Variants in ECT2L observed in about 807,000 individuals in gnomAD.
The protein encoded by ECT2L is epithelial cell-transforming sequence 2 oncogene-like.
Under a neutral mutation model 122.8 loss-of-function variants are expected in ECT2L, and 126 were observed. The observed-to-expected ratio is 1.03, with a 90% CI of 0.89 to 1.19. The LOEUF is 1.19. ECT2L is among the 50% of genes most tolerant of loss of function. ECT2L has a pLI of 0.00. For missense variants in ECT2L, 1,012 were observed against 1,064.1 expected (o/e 0.95, Z 0.68); for synonymous variants, 385 against 381.8 (o/e 1.01, Z -0.10).
chr6:138,805,550 C>A (rs1775685901), intron 1 of ECT2L, among the ~76,000 whole-genome samples: 1 of 152,052 alleles, frequency 6.6e-6, no homozygotes, highest in Non-Finnish European at 1.5e-5. Flanking sequence ...GGCAGTTCTT[C>A]TCTTTGTATG....
At chr6:138,900,134 A>G (rs1363935964) in intron 20 of ECT2L, among the ~76,000 whole-genome samples, 1 of 152,226 alleles carries the variant, frequency 6.6e-6, no homozygotes, top group Non-Finnish European at 1.5e-5. Context: ...CTGCTTTCCA[A>G]TCAAAAGTAA....
intron 20 of ECT2L, among the ~76,000 whole-genome samples, chr6:138,897,474 G>A (rs979203451): frequency 3.3e-5 from 5 of 152,014 alleles, no homozygotes; most frequent in African/African-American, 1.2e-4. Flanking sequence ...TTTGGTTTTC[G>A]CAGGAGGTCC....
intron 1 of ECT2L, among the ~76,000 whole-genome samples, chr6:138,805,306 T>A (rs1021026433): frequency 1.3e-5 from 2 of 152,216 alleles, no homozygotes; most frequent in East Asian, 3.8e-4. Flanking sequence ...TTAGTCCACA[T>A]GTATATTTTT....
intron 14 of ECT2L, 121 bp from the exon 15 acceptor site, chr6:138,880,836 C>A: frequency 1.3e-6 from 1 of 774,632 alleles, no homozygotes; most frequent in Non-Finnish European, 2.1e-6. Flanking sequence ...CCGTAGCCCC[C>A]GTGAAGTCCC....
intron 20 of ECT2L, among the ~76,000 whole-genome samples, chr6:138,899,571 G>C (rs1032691081): frequency 6.6e-6 from 1 of 151,802 alleles, no homozygotes; most frequent in African/African-American, 2.4e-5. Flanking sequence ...AGGGGAAAGA[G>C]GTACACTAAA....
intron 20 of ECT2L, among the ~76,000 whole-genome samples, chr6:138,890,531 A>G (rs1308024982): frequency 1.0e-5 from 1 of 97,602 alleles, no homozygotes. Flanking sequence ...GGTCAGTAGC[A>G]ATAGAAAACA....
At chr6:138,824,588 A>C (rs1426742889) in intron 4 of ECT2L, among the ~76,000 whole-genome samples, 61 of 151,768 alleles carry the variant, frequency 4.0e-4, no homozygotes, top group African/African-American at 1.4e-3. Context: ...AAACAAAAAA[A>C]ACACAAAACA....
intron 7 of ECT2L, among the ~76,000 whole-genome samples, chr6:138,844,798 T>C (rs1283802470): frequency 6.7e-6 from 1 of 148,660 alleles, no homozygotes; most frequent in Non-Finnish European, 1.5e-5. Flanking sequence ...AAATGTTCTT[T>C]TTTTTTTTTT....
chr6:138,832,775 C>A (rs1306094696), intron 4 of ECT2L, among the ~76,000 whole-genome samples: 1 of 151,730 alleles, frequency 6.6e-6, no homozygotes, highest in African/African-American at 2.4e-5. Flanking sequence ...TTATAACTTG[C>A]TGATTTCTTT....
chr6:138,832,761 T>A (rs1776693757), intron 4 of ECT2L, among the ~76,000 whole-genome samples: 1 of 152,106 alleles, frequency 6.6e-6, no homozygotes, highest in South Asian at 2.1e-4. Flanking sequence ...GTTTTTTTTT[T>A]AATTTATAAC....
At chr6:138,834,894 TACACAC>T (rs544584441) in intron 4 of ECT2L, among the ~76,000 whole-genome samples, 1,484 of 137,408 alleles carry the variant, frequency 0.011, 15 homozygotes, top group African/African-American at 0.023. Flanking sequence ...TGCCCCCGTT[TACACAC>T]ACACACACAC....
At chr6:138,867,655 C>CAAAAAAAAAAAAAAAAAA (rs71009601) in intron 12 of ECT2L, among the ~76,000 whole-genome samples, 1 of 114,444 alleles carries the variant, frequency 8.7e-6, no homozygotes. Flanking sequence ...CCTAAAACTA[C>CAAAAAAAAAAAAAAAAAA]AAAAAAAAAA....
chr6:138,891,400 T>C (rs1431902686), intron 20 of ECT2L, among the ~76,000 whole-genome samples: 3 of 152,238 alleles, frequency 2.0e-5, no homozygotes, highest in African/African-American at 7.2e-5. Context: ...GTATGTTATC[T>C]TTTAAGGTCT....
intron 21 of ECT2L, 83 bp downstream of exon 21, chr6:138,901,203 G>T: frequency 1.5e-6 from 2 of 1,358,736 alleles, no homozygotes; most frequent in Non-Finnish European, 1.0e-6. Flanking sequence ...AGTAGAAAAA[G>T]GACTGGAATT....
In ECT2L at chr6:138,849,361, T is replaced by C. The variant is rs760240526; in HGVS notation, c.996T>C (p.Ala332=). 4 of 1,613,910 alleles carry C rather than the reference T, an allele frequency of 2.5e-6. No individual in the cohort carries two copies. In the East Asian group the frequency reaches 8.9e-5, roughly 36 times the overall value. The change falls in exon 9 of 22, where the codon GCT becomes GCC. Residue 332 remains alanine (A), a synonymous_variant. Transcript: ENST00000541398. ...LESLLYLIEK[A]LDGQKAQSIG... is the part of the protein sequence containing the mutation. Reference sequence around the variant, plus strand: ...GCCTTCTGTATCTTATAGAAAAAGCTCTGGATGGGCAGAAGGCACAGAGCA... The same window carrying C: ...GCCTTCTGTATCTTATAGAAAAAGCCCTGGATGGGCAGAAGGCACAGAGCA...
intron 4 of ECT2L, among the ~76,000 whole-genome samples, chr6:138,833,705 G>A (rs1015735949): frequency 6.6e-6 from 1 of 152,084 alleles, no homozygotes; most frequent in Non-Finnish European, 1.5e-5. Context: ...AGGAGGCTGA[G>A]ACAGGAGAAT....
chr6:138,864,002 T>TAAAAAAAAAAAAAAAAAAAAAAAAA (rs1172466449), intron 11 of ECT2L, among the ~76,000 whole-genome samples: 1 of 55,872 alleles, frequency 1.8e-5, no homozygotes, highest in Non-Finnish European at 2.9e-5. Context: ...TCTCCGTATT[T>TAAAAAAAAAAAAAAAAAAAAAAAAA]AAAAAAAAAA....
intron 9 of ECT2L, among the ~76,000 whole-genome samples, chr6:138,852,038 G>A (rs1434742808): frequency 6.6e-6 from 1 of 152,184 alleles, no homozygotes; most frequent in African/African-American, 2.4e-5. Flanking sequence ...TGGCACTTTG[G>A]GAGGCTGAGG....
chr6:138,883,040 C>T (rs1001098533), intron 16 of ECT2L, among the ~76,000 whole-genome samples, 169 bp downstream of exon 16: 2 of 152,180 alleles, frequency 1.3e-5, no homozygotes, highest in African/African-American at 4.8e-5. Context: ...TAGGGGCTAG[C>T]ACAATATTTG....
Sources: gnomAD v4.1 joint callset for allele counts (sites outside exome capture counted in the v4.1 genomes callset) on GRCh38, gnomAD v4.1.1 for gene constraint, MANE v1.5 for transcripts, NCBI Gene and HGNC (gene_info 2026-07-23, HGNC 2026-07-21) for gene names.